Variants in RBFOX1 observed in about 807,000 individuals in gnomAD.
The protein encoded by RBFOX1 is RNA binding fox-1 homolog 1.
Under a neutral mutation model 57.7 loss-of-function variants are expected in RBFOX1, and 8 were observed. The observed-to-expected ratio is 0.14, with a 90% CI of 0.08 to 0.25. RBFOX1 has a LOEUF of 0.25. RBFOX1 is among the 10% of genes least tolerant of loss of function. RBFOX1 has a pLI of 1.00. For missense variants in RBFOX1, 611 were observed against 548.5 expected, an observed-to-expected ratio of 1.11 and a Z score of -1.14; for synonymous variants, 326 against 222.4, an observed-to-expected ratio of 1.47 and a Z score of -4.15.
intron 4 of RBFOX1, among the ~76,000 whole-genome samples, chr16:7,144,985 T>G (rs1356591563): frequency 5.9e-5 from 9 of 152,020 alleles, no homozygotes. Flanking sequence ...AGATAAGAAT[T>G]CTGAAACAGG....
intron 2 of RBFOX1, among the ~76,000 whole-genome samples, chr16:6,626,173 G>T (rs561295470): frequency 1.9e-4 from 27 of 143,662 alleles, no homozygotes; most frequent in Admixed American, 1.8e-3. Context: ...TTGCATAGTT[G>T]GTTCTGTATT....
chr16:6,033,848 A>G (rs1053049222), intron 1 of RBFOX1, among the ~76,000 whole-genome samples: 6 of 152,266 alleles, frequency 3.9e-5, no homozygotes, highest in African/African-American at 1.4e-4. Context: ...ACACTGCCAA[A>G]CCTGATGCTC....
At chr16:7,464,324 A>T (rs11077180) in intron 4 of RBFOX1, among the ~76,000 whole-genome samples, 25 of 151,732 alleles carry the variant, frequency 1.6e-4, no homozygotes, top group Admixed American at 1.6e-3. Flanking sequence ...CAGTAAAATG[A>T]TCACCATCGC....
In RBFOX1 at chr16:7,672,519, T is replaced by C. The variant is rs548808355; in HGVS notation, c.931-4255T>C. ...TGGTTAAAATTCCTGAGATGAACTT[T>C]CACTGTCACATTTCAAGAGAACTGG... On this transcript the variant is annotated intron_variant, in intron 13 of 15. Coordinates refer to ENST00000550418, the MANE Select transcript of RBFOX1 (RefSeq NM_018723.4). Among the ~76,000 whole-genome samples the C allele has an allele frequency of 3.9e-5, 6 of 152,254 alleles. 1 individual carries two copies. The East Asian group carries it at 1.2e-3, about 29-fold the overall frequency.
chr16:6,409,446 AAC>A (rs1191630626), intron 2 of RBFOX1, among the ~76,000 whole-genome samples: 1 of 152,150 alleles, frequency 6.6e-6, no homozygotes, highest in African/African-American at 2.4e-5. Flanking sequence ...AACTTTACCA[AAC>A]ACTTTGAAAC....
At chr16:5,590,254 G>GA (rs923260551) in intron 2 of RBFOX1, among the ~76,000 whole-genome samples, 7 of 151,954 alleles carry the variant, frequency 4.6e-5, no homozygotes, top group South Asian at 2.1e-4. Flanking sequence ...CCAAAGAGGG[G>GA]AAAAAAAACC....
At chr16:6,809,533 G>A (rs1241738608) in intron 3 of RBFOX1, among the ~76,000 whole-genome samples, 1 of 152,134 alleles carries the variant, frequency 6.6e-6, no homozygotes, top group East Asian at 1.9e-4. Context: ...TGTGGAATAA[G>A]TTTCTGTGCA....
At chr16:7,098,936 T>C (rs1705044684) in intron 4 of RBFOX1, among the ~76,000 whole-genome samples, 1 of 152,192 alleles carries the variant, frequency 6.6e-6, no homozygotes, top group East Asian at 1.9e-4. Context: ...CCTGAGGTTG[T>C]TTTTCAACTG....
At chr16:6,986,242 C>G (rs1480711357) in intron 3 of RBFOX1, among the ~76,000 whole-genome samples, 1 of 144,902 alleles carries the variant, frequency 6.9e-6, no homozygotes, top group African/African-American at 2.7e-5. Context: ...GGTCTGTCAC[C>G]CAGGCTGGAG....
chr16:6,387,950 C>A (rs1444644484), intron 2 of RBFOX1, among the ~76,000 whole-genome samples: 1 of 149,914 alleles, frequency 6.7e-6, no homozygotes, highest in African/African-American at 2.5e-5. Context: ...CCTATCAGAA[C>A]CAGTGACATG....
chr16:6,964,859 C>G (rs939713633), intron 3 of RBFOX1, among the ~76,000 whole-genome samples: 9 of 152,144 alleles, frequency 5.9e-5, no homozygotes, highest in African/African-American at 2.2e-4. Flanking sequence ...CAGCTCCTTG[C>G]TGTGTGACCC....
At chr16:7,518,436 C>T in intron 5 of RBFOX1, 47 bp downstream of exon 5, 1 of 1,560,804 alleles carries the variant, frequency 6.4e-7, no homozygotes, top group Non-Finnish European at 8.7e-7. Flanking sequence ...GGGAGGCGCC[C>T]CCAGCCCTGG....
rs757610950 is a variant in RBFOX1 at position 7,518,274 on chromosome 16, A to T, written c.155A>T (p.Tyr52Phe). 1 of 1,614,106 alleles carries T rather than the reference A, an allele frequency of 6.2e-7. No individual in the cohort carries two copies. Among genetic ancestry groups the T allele is most frequent in the South Asian group, 1.1e-5 (1 of 91,070 alleles). Reference sequence around the variant, plus strand: ...CCTCATCCCCACCCCGCGCCAGAGTACACAGGCCAGACCACGGTTCCCGAG... The same window carrying T: ...CCTCATCCCCACCCCGCGCCAGAGTTCACAGGCCAGACCACGGTTCCCGAG... ...TAPHPHPAPE[Y>F]TGQTTVPEHT... The change falls in exon 5 of 16, where the codon TAC becomes TTC. Residue 52 changes from tyrosine to phenylalanine, a missense_variant. This residue lies in a region of RBFOX1 where 245 missense variants were observed against 159.1 expected (regional missense o/e 1.54). Transcript: ENST00000550418.
chr16:5,273,247 G>A (rs1012368603), intron 1 of RBFOX1, among the ~76,000 whole-genome samples: 17 of 150,550 alleles, frequency 1.1e-4, no homozygotes, highest in African/African-American at 3.9e-4. Context: ...TTTGGTGGTC[G>A]GTTTTCCATC....
intron 11 of RBFOX1, among the ~76,000 whole-genome samples, chr16:7,631,878 A>T (rs774472969): frequency 2.5e-4 from 38 of 152,176 alleles, no homozygotes; most frequent in Admixed American, 1.2e-3. Flanking sequence ...CAAGGGTCTG[A>T]AGTCTTCAGG....
chr16:6,583,040 C>CTG (rs149590423), intron 2 of RBFOX1, among the ~76,000 whole-genome samples: 1 of 151,438 alleles, frequency 6.6e-6, no homozygotes. Context: ...GTCTCTCTCT[C>CTG]TCTCACCCTT....
At chr16:6,244,236 C>T (rs1449627464) in intron 1 of RBFOX1, among the ~76,000 whole-genome samples, 1 of 151,752 alleles carries the variant, frequency 6.6e-6, no homozygotes, top group East Asian at 1.9e-4. Context: ...TCCCTCCTTC[C>T]AGCAAAAATG....
At chr16:7,473,248 G>A (rs922681744) in intron 4 of RBFOX1, among the ~76,000 whole-genome samples, 1 of 151,686 alleles carries the variant, frequency 6.6e-6, no homozygotes, top group Non-Finnish European at 1.5e-5. Flanking sequence ...CATGGTGGCG[G>A]GTGCCTGTAA....
At chr16:5,585,521 C>G (rs1046412994) in intron 2 of RBFOX1, among the ~76,000 whole-genome samples, 4 of 152,168 alleles carry the variant, frequency 2.6e-5, no homozygotes, top group Non-Finnish European at 4.4e-5. Flanking sequence ...CTATTTGTTT[C>G]TTGTGAGTAT....
Sources: allele counts gnomAD v4.1 joint callset (sites outside exome capture counted in the v4.1 genomes callset), GRCh38; gene constraint gnomAD v4.1.1; regional missense constraint gnomAD v4.1.1; transcripts MANE v1.5; gene names NCBI Gene and HGNC (gene_info 2026-07-23, HGNC 2026-07-21).